The following DOCK3 variants were observed in gnomAD, a reference collection of about 807,000 sequenced individuals.
The protein encoded by DOCK3 is dedicator of cytokinesis 3, also known as dedicator of cytokinesis protein 3.
Under a neutral mutation model 265.6 loss-of-function variants are expected in DOCK3, and 60 were observed. The observed-to-expected ratio is 0.23, with a 90% CI of 0.18 to 0.28. DOCK3 has a LOEUF of 0.28. Among genes scored for constraint, DOCK3 ranks in the 10% least tolerant of loss-of-function variants. The pLI is 1.00. For synonymous variants in DOCK3, 881 were observed against 938.0 expected, an observed-to-expected ratio of 0.94 and a Z score of 1.11; for missense variants, 1,981 against 2,594.3, an observed-to-expected ratio of 0.76 and a Z score of 5.14.
intron 2 of DOCK3, among the ~76,000 whole-genome samples, chr3:50,795,931 A>G (rs2042747097): frequency 6.6e-6 from 1 of 152,016 alleles, no homozygotes. Flanking sequence ...TTGGGTTTTG[A>G]CATACTCTGT....
chr3:51,132,047 C>G (rs946118943), intron 9 of DOCK3, among the ~76,000 whole-genome samples: 5 of 152,186 alleles, frequency 3.3e-5, no homozygotes, highest in African/African-American at 1.2e-4. Context: ...TCTCCCTAAG[C>G]CTTTGGATCC....
chr3:50,841,146 G>A (rs186056430), intron 2 of DOCK3, among the ~76,000 whole-genome samples: 2 of 152,190 alleles, frequency 1.3e-5, no homozygotes, highest in Admixed American at 6.5e-5. Flanking sequence ...GTTTTTTGTT[G>A]TGTAATTGAA....
chr3:51,331,846 A>G (rs2084540868), intron 33 of DOCK3, among the ~76,000 whole-genome samples: 1 of 152,248 alleles, frequency 6.6e-6, no homozygotes. Context: ...TATAGTGATC[A>G]GCATTTCCCA....
chr3:50,743,583 A>G (rs2039220656), intron 1 of DOCK3, among the ~76,000 whole-genome samples: 2 of 151,888 alleles, frequency 1.3e-5, no homozygotes, highest in African/African-American at 2.4e-5. Context: ...AACAAAGATC[A>G]AAAGAGACAA....
Position 51,381,365 on chromosome 3 carries a change from C to T in DOCK3, c.5899C>T (p.Pro1967Ser). Residue 1967 changes from proline to serine, a missense_variant, in exon 53 of 53, where the codon CCC becomes TCC. This residue lies in a region of DOCK3 where 149 missense variants were observed against 144.7 expected (regional missense o/e 1.03). Transcript: ENST00000266037. The surrounding 1 kb of genome is among the most constrained non-coding windows in gnomAD (Gnocchi z 5.6). ...CCCAGGGTGCGTCATCCCTCAGGAC[C>T]CCATGGACCCGCCTGCGCTGCCGCC... ...SAPGCVIPQD[P>S]MDPPALPPKP... is the part of the protein sequence containing the mutation. 6.2e-7 allele frequency: 1 copy of T among 1,613,030 alleles called. No homozygotes were observed. The highest frequency in any genetic ancestry group is 8.5e-7 in the Non-Finnish European group (1 of 1,179,828).
intron 3 of DOCK3, among the ~76,000 whole-genome samples, chr3:50,860,888 C>G (rs1407593290): frequency 6.6e-6 from 1 of 152,206 alleles, no homozygotes; most frequent in Non-Finnish European, 1.5e-5. Flanking sequence ...CAGTCTCTTT[C>G]CTAGGGGTAC....
At chr3:51,167,454 C>T (rs570307913) in intron 12 of DOCK3, among the ~76,000 whole-genome samples, 30 of 152,250 alleles carry the variant, frequency 2.0e-4, no homozygotes, top group African/African-American at 7.2e-4. Context: ...ATACAAATTT[C>T]AGGATTGTTC....
intron 27 of DOCK3, among the ~76,000 whole-genome samples, chr3:51,283,275 A>G (rs1216399332): frequency 6.6e-6 from 1 of 152,216 alleles, no homozygotes; most frequent in Non-Finnish European, 1.5e-5. Flanking sequence ...CCATAAAATC[A>G]GGAAAGGAAT....
chr3:50,970,901 A>G, intron 5 of DOCK3, among the ~76,000 whole-genome samples: 1 of 33,164 alleles, frequency 3.0e-5, no homozygotes, highest in East Asian at 1.0e-3. Flanking sequence ...TTATATATAT[A>G]TATATATATA....
intron 5 of DOCK3, among the ~76,000 whole-genome samples, chr3:51,001,282 T>G (rs956295030): frequency 2.0e-5 from 3 of 152,204 alleles, no homozygotes; most frequent in Non-Finnish European, 2.9e-5. Flanking sequence ...AGACTGACTT[T>G]CCTGTAAGAA....
At position 50,965,116 on chromosome 3, in the gene DOCK3, A is replaced by G. The variant is rs148184330; in HGVS notation, c.315+31039A>G. Among the ~76,000 whole-genome samples, 8 of 152,288 alleles carry G rather than the reference A, an allele frequency of 5.3e-5. No homozygotes were observed. In the East Asian group the frequency reaches 9.6e-4, roughly 18 times the overall value. ...AAAAGTAATAGAGTTCACATCATATAAAGTATGTTCTTTGACTACAGTGGA... is the reference window on the plus strand; with the variant it reads ...AAAAGTAATAGAGTTCACATCATATGAAGTATGTTCTTTGACTACAGTGGA... On this transcript the variant is annotated intron_variant, in intron 5 of 52. Coordinates refer to ENST00000266037, the MANE Select transcript of DOCK3 (RefSeq NM_004947.5).
intron 4 of DOCK3, among the ~76,000 whole-genome samples, chr3:50,925,321 G>A (rs898039916): frequency 6.6e-6 from 1 of 152,148 alleles, no homozygotes; most frequent in Non-Finnish European, 1.5e-5. Context: ...AGTATTTTAT[G>A]TATATCAGAT....
At chr3:51,333,079 A>G in intron 34 of DOCK3, 52 bp downstream of exon 34, 5 of 1,613,878 alleles carry the variant, frequency 3.1e-6, no homozygotes, top group Non-Finnish European at 4.2e-6. Flanking sequence ...CACAGCCTCC[A>G]TGGGCTCTTG....
intron 3 of DOCK3, among the ~76,000 whole-genome samples, chr3:50,874,904 T>C (rs1297857119): frequency 1.3e-5 from 2 of 152,126 alleles, no homozygotes; most frequent in Non-Finnish European, 2.9e-5. Flanking sequence ...GTTCATGGGC[T>C]TTGCAGGCAC....
intron 2 of DOCK3, among the ~76,000 whole-genome samples, chr3:50,820,286 C>G (rs1369482632): frequency 1.3e-5 from 2 of 152,140 alleles, no homozygotes. Context: ...CCAGCTAAAC[C>G]CCAATTTTGG....
chr3:51,249,582 C>G (rs1356775101), intron 22 of DOCK3, among the ~76,000 whole-genome samples: 1 of 124,760 alleles, frequency 8.0e-6, no homozygotes, highest in Non-Finnish European at 1.8e-5. Context: ...GGCCAGCCGC[C>G]CAGTCCGGGA....
At chr3:50,744,105 C>T (rs1477022645) in intron 1 of DOCK3, among the ~76,000 whole-genome samples, 1 of 152,084 alleles carries the variant, frequency 6.6e-6, no homozygotes, top group Non-Finnish European at 1.5e-5. Context: ...AGTCCTTTGT[C>T]CATTTTGAAT....
intron 9 of DOCK3, among the ~76,000 whole-genome samples, chr3:51,143,227 G>A (rs1000838723): frequency 6.7e-6 from 1 of 150,192 alleles, no homozygotes; most frequent in Non-Finnish European, 1.5e-5. Context: ...TAGTAGGTGT[G>A]TGGTGGTATC....
chr3:51,007,666 T>C (rs1209062154), intron 5 of DOCK3, among the ~76,000 whole-genome samples: 1 of 152,168 alleles, frequency 6.6e-6, no homozygotes, highest in Non-Finnish European at 1.5e-5. Context: ...TGCCATTGCT[T>C]TTGGTGTTTT....
Sources: gnomAD v4.1 joint callset for allele counts (sites outside exome capture counted in the v4.1 genomes callset) on GRCh38, gnomAD v4.1.1 for gene constraint, gnomAD v4.1.1 regional missense constraint, Gnocchi (gnomAD v3.1) non-coding constraint, MANE v1.5 for transcripts, NCBI Gene and HGNC (gene_info 2026-07-23, HGNC 2026-07-21) for gene names.